The following COL6A2 variants were observed in gnomAD, a reference collection of about 807,000 sequenced individuals.
COL6A2 encodes the protein collagen alpha-2(VI) chain.
A neutral mutation model predicts 124.9 loss-of-function variants in COL6A2; 90 were observed. The ratio of observed to expected loss-of-function variants is 0.72; its 90% CI spans 0.61 to 0.86. The LOEUF is 0.86. Ranked by LOEUF, COL6A2 falls within the 40% of genes least tolerant of loss-of-function variation. COL6A2 has a pLI of 0.00. For synonymous variants in COL6A2, 793 were observed against 618.2 expected, an observed-to-expected ratio of 1.28 and a Z score of -4.19; for missense variants, 1,607 against 1,502.5, an observed-to-expected ratio of 1.07 and a Z score of -1.15.
chr21:46,118,492 C>T, intron 12 of COL6A2, 122 bp from the exon 13 acceptor site: 1 of 874,472 alleles, frequency 1.1e-6, no homozygotes, highest in Non-Finnish European at 1.9e-6. Context: ...ATCCCAGGTG[C>T]CCCGTGGACA....
chr21:46,119,020 CCTT>C lies in COL6A2; in HGVS notation c.1180-5_1180-3del, dbSNP rs774369631. ...CCTCTGGGTGACTGTGCTGTCCTCT[CCTT>C]CTTCAGGGGTATCAAGGCAACAGTG... On this transcript the variant is annotated splice_region_variant and splice_polypyrimidine_tract_variant and intron_variant, in intron 13 of 27. Transcript: ENST00000300527. 1.6e-5 allele frequency: 26 copies of C among 1,602,528 alleles called. No individual in the cohort carries two copies. Among genetic ancestry groups the C allele is most frequent in the Admixed American group, 6.7e-5 (4 of 59,932 alleles).
At chr21:46,107,182 G>C (rs1227426286) in intron 1 of COL6A2, among the ~76,000 whole-genome samples, 4 of 151,894 alleles carry the variant, frequency 2.6e-5, no homozygotes, top group African/African-American at 9.7e-5. Flanking sequence ...TTTTCTAACT[G>C]GTTGTTAGAA....
chr21:46,112,011 G>A lies in COL6A2; in HGVS notation c.148G>A (p.Val50Met), dbSNP rs727502826. The change falls in exon 3 of 28, where the codon GTG becomes ATG. Residue 50 changes from valine to methionine, a missense_variant. Transcript: ENST00000300527. ...CGACTGCCCCATCCACGTGTACTTCGTGCTGGACACCTCGGAGAGCGTCAC... is the reference window on the plus strand; with the variant it reads ...CGACTGCCCCATCCACGTGTACTTCATGCTGGACACCTCGGAGAGCGTCAC... ...KTDCPIHVYF[V>M]LDTSESVTMQ... 15 of 1,612,510 alleles carry A rather than the reference G, an allele frequency of 9.3e-6. No individual in the cohort carries two copies. The highest frequency in any genetic ancestry group is 2.2e-5 in the South Asian group (2 of 91,078).
intron 27 of COL6A2, chr21:46,129,861 G>A (rs2078737968): frequency 9.6e-7 from 1 of 1,045,680 alleles, no homozygotes; most frequent in Non-Finnish European, 1.2e-6. Context: ...CCAGGGTTTG[G>A]GTGTGGAAGT....
At chr21:46,131,877 G>A (rs577223596) in intron 27 of COL6A2, 77 bp from the exon 28 acceptor site, 10 of 1,367,732 alleles carry the variant, frequency 7.3e-6, no homozygotes, top group East Asian at 5.0e-5. Flanking sequence ...GAATGGAAGG[G>A]CACAGGTGCG....
chr21:46,118,620 C>T lies in COL6A2; in HGVS notation c.1123C>T (p.Pro375Ser), dbSNP rs143300395. ...ATTCTGCAAACCCTTCCAGGGGGAC[C>T]CTGGCCGCCCAGGACGCAGAGGGCC... ...ERGDQGGKGD[P>S]GRPGRRGPPG... Residue 375 changes from proline (P) to serine (S), a missense_variant, in exon 13 of 28, where the codon CCT (proline) becomes TCT (serine). This residue lies in a region of COL6A2 where 1,223 missense variants were observed against 1,052.2 expected (regional missense o/e 1.16). Transcript: ENST00000300527. 4.3e-6 allele frequency: 7 copies of T among 1,612,424 alleles called. No homozygotes were observed. In the African/African-American group the frequency reaches 8.0e-5, roughly 18 times the overall value.
At chr21:46,129,990 G>T (rs745376873) in intron 27 of COL6A2, among the ~76,000 whole-genome samples, 2 of 152,142 alleles carry the variant, frequency 1.3e-5, no homozygotes, top group African/African-American at 2.4e-5. Flanking sequence ...CGGAGCCTCG[G>T]AAACAGGCCC....
chr21:46,116,736 G>A lies in COL6A2; in HGVS notation c.955-34G>A, dbSNP rs1601226700. On this transcript the variant is annotated intron_variant, in intron 9 of 27. Transcript: ENST00000300527. This position sits in a 1 kb window ranked among gnomAD's most constrained non-coding sequence, Gnocchi z 4.6. Reference sequence around the variant, plus strand: ...CTGCTGCTCAGGGCAGAAGGACCGGGGCTAATGGAGTTCCCTCTTCCTTCT... The same window carrying A: ...CTGCTGCTCAGGGCAGAAGGACCGGAGCTAATGGAGTTCCCTCTTCCTTCT... 1 of 1,613,066 alleles carries A rather than the reference G, an allele frequency of 6.2e-7. No individual in the cohort carries two copies.
intron 27 of COL6A2, chr21:46,129,653 C>T: frequency 1.4e-6 from 2 of 1,425,438 alleles, no homozygotes; most frequent in Non-Finnish European, 1.8e-6. Context: ...AGCCTCTTCC[C>T]ATGCTGGTGG....
chr21:46,110,279 G>C (rs1312903375), intron 1 of COL6A2, among the ~76,000 whole-genome samples: 2 of 152,264 alleles, frequency 1.3e-5, no homozygotes, highest in African/African-American at 4.8e-5. Flanking sequence ...CACCAGATGG[G>C]CTGCCGCTGC....
At chr21:46,119,208 T>C (rs2078523230) in intron 14 of COL6A2, 89 bp downstream of exon 14, 3 of 1,017,994 alleles carry the variant, frequency 2.9e-6, no homozygotes, top group Non-Finnish European at 4.5e-6. Context: ...GCACCTGGGC[T>C]GTAGGCAGGA....
intron 1 of COL6A2, among the ~76,000 whole-genome samples, chr21:46,110,737 A>T (rs2078386378): frequency 2.2e-5 from 1 of 45,270 alleles, no homozygotes; most frequent in Admixed American, 3.4e-4. Context: ...CTTTCTGCCC[A>T]GCTGCCCGGC....
chr21:46,118,499 G>T, intron 12 of COL6A2, 115 bp from the exon 13 acceptor site: 1 of 954,138 alleles, frequency 1.0e-6, no homozygotes, highest in East Asian at 2.6e-5. Flanking sequence ...GTGCCCCGTG[G>T]ACATCAGGGA....
At chr21:46,131,135 T>C (rs1221746072) in intron 27 of COL6A2, among the ~76,000 whole-genome samples, 1 of 152,122 alleles carries the variant, frequency 6.6e-6, no homozygotes. Flanking sequence ...ACTGGCTCTG[T>C]CCCTCCCCTC....
At chr21:46,131,420 G>A (rs985708668) in intron 27 of COL6A2, among the ~76,000 whole-genome samples, 4 of 152,210 alleles carry the variant, frequency 2.6e-5, no homozygotes, top group East Asian at 1.9e-4. Context: ...TGTGCCCACT[G>A]CTCCCCACCA....
At chr21:46,129,752 TTTA>T in intron 27 of COL6A2, 1 of 1,347,702 alleles carries the variant, frequency 7.4e-7, no homozygotes, top group Non-Finnish European at 9.5e-7. Flanking sequence ...GGTCATTGAA[TTTA>T]AGGCCCACCC....
intron 1 of COL6A2, among the ~76,000 whole-genome samples, chr21:46,098,457 G>T (rs1329954678): frequency 2.0e-4 from 1 of 4,930 alleles, no homozygotes; most frequent in East Asian, 1.4e-3. Context: ...TGGGCGGGGT[G>T]GGGGGGTCCC....
intron 11 of COL6A2, 53 bp downstream of exon 11, chr21:46,117,506 C>G: frequency 6.4e-7 from 1 of 1,573,042 alleles, no homozygotes; most frequent in Non-Finnish European, 8.7e-7. Context: ...GTGTGGGTGC[C>G]TGACCGGGTG....
intron 27 of COL6A2, among the ~76,000 whole-genome samples, chr21:46,131,682 G>A (rs1216049070): frequency 2.0e-5 from 3 of 152,202 alleles, no homozygotes; most frequent in African/African-American, 7.2e-5. Flanking sequence ...CAGGGATGGT[G>A]CTCAGCAGGT....
Sources: allele counts gnomAD v4.1 joint callset (sites outside exome capture counted in the v4.1 genomes callset), GRCh38; gene constraint gnomAD v4.1.1; regional missense constraint gnomAD v4.1.1; non-coding constraint Gnocchi (gnomAD v3.1); transcripts MANE v1.5; gene names NCBI Gene and HGNC (gene_info 2026-07-23, HGNC 2026-07-21).